The following PDS5A variants were observed in gnomAD, a reference collection of about 807,000 sequenced individuals.
PDS5A encodes the protein sister chromatid cohesion protein PDS5 homolog A.
Under a neutral mutation model 167.1 loss-of-function variants are expected in PDS5A, and 42 were observed. That is an observed-to-expected ratio of 0.25 (90% CI 0.20 to 0.33). The LOEUF (loss-of-function observed/expected upper bound fraction) is 0.33. Ranked by LOEUF, PDS5A falls within the 10% of genes least tolerant of loss-of-function variation. PDS5A has a pLI of 1.00. For missense variants in PDS5A, 1,033 were observed against 1,605.9 expected (o/e 0.64, Z 6.10); for synonymous variants, 553 against 554.6 (o/e 1.00, Z 0.04).
At position 39,907,779 on chromosome 4, in the gene PDS5A, G is replaced by C. The variant is rs753860209; in HGVS notation, c.1233+616C>G. 1.4e-4 allele frequency among the ~76,000 whole-genome samples: 21 copies of C among 152,112 alleles called. No individual in the cohort carries two copies. In the Middle Eastern group the frequency reaches 0.01, roughly 74 times the overall value. ...TTTTTTGTATTTTTAGTAGAGACGGGGTTTCACCGTGTTAGCCAGGATGGT... is the reference window on the plus strand; with the variant it reads ...TTTTTTGTATTTTTAGTAGAGACGGCGTTTCACCGTGTTAGCCAGGATGGT... On this transcript the variant is annotated intron_variant, in intron 11 of 32. Coordinates refer to ENST00000303538, the MANE Select transcript of PDS5A (RefSeq NM_001100399.2).
intron 16 of PDS5A, among the ~76,000 whole-genome samples, chr4:39,892,213 C>A (rs780262487): frequency 6.6e-6 from 1 of 152,174 alleles, no homozygotes; most frequent in Non-Finnish European, 1.5e-5. Context: ...GCCGAGGTGA[C>A]GGATCGTTTG....
At chr4:39,968,433 A>ATT (rs375287668) in intron 2 of PDS5A, among the ~76,000 whole-genome samples, 7 of 134,590 alleles carry the variant, frequency 5.2e-5, no homozygotes, top group East Asian at 2.1e-4. Context: ...TATAATATTA[A>ATT]TTTTTTTTTT....
chr4:39,831,848 C>G (rs916404260), intron 32 of PDS5A, among the ~76,000 whole-genome samples: 5 of 116,636 alleles, frequency 4.3e-5, no homozygotes, highest in African/African-American at 1.6e-4. Context: ...TGCACTCCAG[C>G]CTAGGCAACA....
At chr4:39,851,119 T>A (rs1226472711) in intron 26 of PDS5A, among the ~76,000 whole-genome samples, 1 of 152,170 alleles carries the variant, frequency 6.6e-6, no homozygotes, top group Non-Finnish European at 1.5e-5. Flanking sequence ...GCTGCTAGAA[T>A]CCTGATCAAA....
chr4:39,843,698 T>A (rs1446784387), intron 30 of PDS5A, among the ~76,000 whole-genome samples: 4 of 152,168 alleles, frequency 2.6e-5, no homozygotes, highest in African/African-American at 7.2e-5. Context: ...ACAGAGACAC[T>A]CTGTCTCAAA....
intron 2 of PDS5A, among the ~76,000 whole-genome samples, chr4:39,937,402 T>A (rs1171590599): frequency 2.6e-5 from 4 of 152,158 alleles, no homozygotes; most frequent in Non-Finnish European, 5.9e-5. Context: ...TCAATACAGC[T>A]ATTAAAAATT....
intron 2 of PDS5A, among the ~76,000 whole-genome samples, chr4:39,941,110 T>C (rs1279437455): frequency 1.3e-5 from 2 of 152,258 alleles, no homozygotes; most frequent in Non-Finnish European, 2.9e-5. Context: ...TTTCTCTTCG[T>C]AGTTTTACTT....
chr4:39,954,265 T>A (rs1728693622), intron 2 of PDS5A, among the ~76,000 whole-genome samples: 1 of 151,426 alleles, frequency 6.6e-6, no homozygotes, highest in Non-Finnish European at 1.5e-5. Context: ...GAGGCTGAGG[T>A]GGGAGGATTG....
chr4:39,871,912 G>C (rs1056775065), intron 21 of PDS5A, among the ~76,000 whole-genome samples: 1 of 151,972 alleles, frequency 6.6e-6, no homozygotes, highest in Non-Finnish European at 1.5e-5. Flanking sequence ...CACCATGTTG[G>C]CTAGGCTGGT....
At chr4:39,948,081 A>G (rs984337196) in intron 2 of PDS5A, among the ~76,000 whole-genome samples, 6 of 151,902 alleles carry the variant, frequency 3.9e-5, no homozygotes, top group African/African-American at 1.5e-4. Context: ...GCAAGACCCC[A>G]TTTCTACTAA....
At chr4:39,875,933 C>T (rs1246263041) in intron 19 of PDS5A, among the ~76,000 whole-genome samples, 1 of 151,830 alleles carries the variant, frequency 6.6e-6, no homozygotes, top group East Asian at 1.9e-4. Flanking sequence ...TTTTCTAGAG[C>T]AGTATAATCT....
intron 23 of PDS5A, among the ~76,000 whole-genome samples, chr4:39,865,360 C>T (rs998442058): frequency 1.3e-5 from 2 of 152,146 alleles, no homozygotes; most frequent in African/African-American, 4.8e-5. Context: ...CCTAACTCAG[C>T]TCTAAACAGT....
rs1731227052 is a variant in PDS5A, at chr4:39,977,438, G to C, written c.-41+19C>G. 1 of 153,234 alleles carries C rather than the reference G, an allele frequency of 6.5e-6. No individual in the cohort carries two copies. The highest frequency in any genetic ancestry group is 6.6e-5 in the Admixed American group (1 of 15,256). 9.5% of individuals were successfully genotyped at this position (153,234 alleles called of 1,614,324 possible). A position where few individuals can be genotyped will look rare whatever the true frequency, so the allele number is the denominator to read the frequency against. On this transcript the variant is annotated intron_variant, in intron 1 of 32. Coordinates refer to ENST00000303538, the MANE Select transcript of PDS5A (RefSeq NM_001100399.2). This position sits in a 1 kb window ranked among gnomAD's most constrained non-coding sequence, Gnocchi z 4.2. Reference sequence around the variant, plus strand: ...CCTCCAGCAGCCTAGGGCGGGAGCCGAGCCGCCGCCGCCTTTACCTCCTCC... The same window carrying C: ...CCTCCAGCAGCCTAGGGCGGGAGCCCAGCCGCCGCCGCCTTTACCTCCTCC...
intron 11 of PDS5A, among the ~76,000 whole-genome samples, chr4:39,905,777 G>A (rs1278153273): frequency 6.6e-6 from 1 of 151,566 alleles, no homozygotes; most frequent in East Asian, 1.9e-4. Flanking sequence ...TGCCTCTGAC[G>A]AAGAAAGGAA....
intron 6 of PDS5A, among the ~76,000 whole-genome samples, chr4:39,921,022 T>C (rs1326721506): frequency 6.6e-6 from 1 of 152,218 alleles, no homozygotes; most frequent in Admixed American, 6.5e-5. Flanking sequence ...ATAATACCTA[T>C]TAACATTGCT....
intron 2 of PDS5A, among the ~76,000 whole-genome samples, chr4:39,937,899 A>G (rs927448755): frequency 1.5e-4 from 23 of 152,206 alleles, no homozygotes; most frequent in Non-Finnish European, 2.9e-4. Flanking sequence ...CTGGAGTGTT[A>G]AGTTTAGCCT....
intron 2 of PDS5A, among the ~76,000 whole-genome samples, chr4:39,934,605 CT>C (rs955582839): frequency 4.6e-4 from 50 of 109,226 alleles, no homozygotes; most frequent in Middle Eastern, 4.5e-3. Flanking sequence ...CTTAGTATTT[CT>C]TTTTTTTTCT....
At chr4:39,910,360 A>G in intron 9 of PDS5A, 22 bp from the exon 10 acceptor site, 1 of 1,214,196 alleles carries the variant, frequency 8.2e-7, no homozygotes, top group Non-Finnish European at 1.2e-6. Flanking sequence ...AAGATTGCTA[A>G]ACATTAATTG....
At chr4:39,853,291 A>T (rs1350238690) in intron 26 of PDS5A, among the ~76,000 whole-genome samples, 1 of 152,136 alleles carries the variant, frequency 6.6e-6, no homozygotes, top group East Asian at 1.9e-4. Context: ...AACAATCCAA[A>T]TCTTTGGCTT....
Sources: gnomAD v4.1 joint callset for allele counts (sites outside exome capture counted in the v4.1 genomes callset) on GRCh38, gnomAD v4.1.1 for gene constraint, Gnocchi (gnomAD v3.1) non-coding constraint, MANE v1.5 for transcripts, NCBI Gene and HGNC (gene_info 2026-07-23, HGNC 2026-07-21) for gene names.